SEMA6D: variants seen among roughly 807,000 people sequenced by gnomAD.
SEMA6D encodes the protein semaphorin 6D, also known as semaphorin-6D.
Under a neutral mutation model 106.6 loss-of-function variants are expected in SEMA6D, and 35 were observed. That is an observed-to-expected ratio of 0.33 (90% confidence interval 0.25 to 0.44). The LOEUF (loss-of-function observed/expected upper bound fraction) is 0.44. Ranked by LOEUF, SEMA6D falls within the 20% of genes least tolerant of loss-of-function variation. SEMA6D has a pLI of 1.00. For missense variants in SEMA6D, 1,185 were observed against 1,345.9 expected (o/e 0.88, Z 1.87); for synonymous variants, 499 against 487.7 (o/e 1.02, Z -0.31).
chr15:47,545,261 T>C (rs2045484908), intron 3 of SEMA6D, among the ~76,000 whole-genome samples: 1 of 152,080 alleles, frequency 6.6e-6, no homozygotes, highest in Non-Finnish European at 1.5e-5. Context: ...ACCAATTGAG[T>C]TGCAAATTAA....
At chr15:47,747,336 T>C (rs892580930) in intron 1 of SEMA6D, among the ~76,000 whole-genome samples, 5 of 152,164 alleles carry the variant, frequency 3.3e-5, no homozygotes, top group Admixed American at 3.3e-4. Flanking sequence ...TTGCTTAGAA[T>C]TGGCAAAGAC....
chr15:47,282,980 T>C (rs548499731), intron 1 of SEMA6D, among the ~76,000 whole-genome samples: 19 of 152,154 alleles, frequency 1.2e-4, no homozygotes, highest in Non-Finnish European at 2.4e-4. Context: ...CTCACTCTCC[T>C]ATCTTCCCTG....
intron 2 of SEMA6D, among the ~76,000 whole-genome samples, chr15:47,433,636 A>T (rs1257772957): frequency 6.6e-6 from 1 of 152,130 alleles, no homozygotes; most frequent in Non-Finnish European, 1.5e-5. Context: ...TTTATAGATC[A>T]CACATTCTGA....
intron 1 of SEMA6D, among the ~76,000 whole-genome samples, chr15:47,370,357 A>G (rs1476951161): frequency 1.3e-5 from 2 of 152,130 alleles, no homozygotes; most frequent in Admixed American, 1.3e-4. Context: ...TCTACTAAAA[A>G]TATGAAAATT....
intron 1 of SEMA6D, among the ~76,000 whole-genome samples, chr15:47,737,431 G>A (rs1041811900): frequency 6.6e-6 from 1 of 152,012 alleles, no homozygotes; most frequent in African/African-American, 2.4e-5. Flanking sequence ...CAATTATAAA[G>A]TATTAATTTT....
At chr15:47,558,160 G>C (rs1414607285) in intron 3 of SEMA6D, among the ~76,000 whole-genome samples, 1 of 152,058 alleles carries the variant, frequency 6.6e-6, no homozygotes, top group African/African-American at 2.4e-5. Context: ...TTCTTTTACA[G>C]CACTAACCTC....
intron 1 of SEMA6D, among the ~76,000 whole-genome samples, chr15:47,310,552 A>G (rs1258715548): frequency 6.6e-6 from 1 of 151,746 alleles, no homozygotes; most frequent in Non-Finnish European, 1.5e-5. Flanking sequence ...GACAAAATTA[A>G]TGCTGTCAAT....
At chr15:47,229,945 G>T (rs2032074598) in intron 1 of SEMA6D, among the ~76,000 whole-genome samples, 1 of 152,054 alleles carries the variant, frequency 6.6e-6, no homozygotes, top group Non-Finnish European at 1.5e-5. Flanking sequence ...GATAAAGAAT[G>T]AAAAGCTTTT....
At chr15:47,318,058 T>G (rs1326348350) in intron 1 of SEMA6D, among the ~76,000 whole-genome samples, 1 of 141,830 alleles carries the variant, frequency 7.1e-6, no homozygotes, top group Admixed American at 7.5e-5. Context: ...TATGCACATC[T>G]TTATTTTAAT....
chr15:47,432,953 A>G (rs1218665754), intron 2 of SEMA6D, among the ~76,000 whole-genome samples: 1 of 152,106 alleles, frequency 6.6e-6, no homozygotes. Context: ...CTTCTTAAAG[A>G]TTGGGTAAAA....
intron 2 of SEMA6D, among the ~76,000 whole-genome samples, chr15:47,469,090 T>A (rs969482378): frequency 7.2e-5 from 11 of 152,168 alleles, no homozygotes; most frequent in African/African-American, 2.7e-4. Flanking sequence ...AATGGCATAG[T>A]GAGTAGTGGG....
At chr15:47,298,280 C>G (rs2035882695) in intron 1 of SEMA6D, among the ~76,000 whole-genome samples, 1 of 151,938 alleles carries the variant, frequency 6.6e-6, no homozygotes. Context: ...TGTCAGTGAC[C>G]GACTTGTAAC....
intron 1 of SEMA6D, among the ~76,000 whole-genome samples, chr15:47,224,800 G>A (rs1172573680): frequency 2.0e-5 from 3 of 151,848 alleles, no homozygotes; most frequent in African/African-American, 2.4e-5. Context: ...TTTATTCTCC[G>A]TTACTCCCAT....
intron 1 of SEMA6D, among the ~76,000 whole-genome samples, chr15:47,279,756 A>T (rs1311543445): frequency 6.6e-6 from 1 of 151,980 alleles, no homozygotes; most frequent in East Asian, 1.9e-4. Context: ...AATTTTGTCA[A>T]AGGCCTTTTC....
At chr15:47,768,486 TA>T in intron 17 of SEMA6D, 94 bp from the exon 18 acceptor site, 1 of 1,108,130 alleles carries the variant, frequency 9.0e-7, no homozygotes, top group Non-Finnish European at 1.2e-6. Flanking sequence ...AACTTTCTCA[TA>T]AAATTTACTC....
chr15:47,759,710 C>A, intron 1 of SEMA6D, 35 bp from the exon 2 acceptor site: 1 of 914,326 alleles, frequency 1.1e-6, no homozygotes, highest in Non-Finnish European at 1.8e-6. Flanking sequence ...TTCATTGCAG[C>A]ATAGAGATCT....
At position 47,612,256 on chromosome 15, in the gene SEMA6D, C is replaced by A. The variant is rs140017301; in HGVS notation, c.-55+11360C>A. Among the ~76,000 whole-genome samples, 30 of 152,252 alleles carry A rather than the reference C, an allele frequency of 2.0e-4. No individual in the cohort carries two copies. In the East Asian group the frequency reaches 5.6e-3, roughly 28 times the overall value. On this transcript the variant is annotated intron_variant, in intron 4 of 19. Coordinates refer to the SEMA6D transcript ENST00000558014. ...TGGCCCCTTAAAAGAATTGAGCCTG[C>A]AGTTTGGTGACCAACCTAAGGGCTC...
chr15:47,245,144 T>C (rs1444416437), intron 1 of SEMA6D, among the ~76,000 whole-genome samples: 1 of 152,156 alleles, frequency 6.6e-6, no homozygotes, highest in African/African-American at 2.4e-5. Flanking sequence ...TGAATGTGTA[T>C]AGTACTGCAA....
At chr15:47,740,978 CT>C (rs1349617509) in intron 1 of SEMA6D, among the ~76,000 whole-genome samples, 1 of 152,192 alleles carries the variant, frequency 6.6e-6, no homozygotes, top group African/African-American at 2.4e-5. Context: ...TTCATAGAAA[CT>C]TTTACTTATT....
Sources: gnomAD v4.1 joint callset for allele counts (sites outside exome capture counted in the v4.1 genomes callset) on GRCh38, gnomAD v4.1.1 for gene constraint, MANE v1.5 for transcripts, NCBI Gene and HGNC (gene_info 2026-07-23, HGNC 2026-07-21) for gene names.